CSMD3: variants seen among roughly 807,000 people sequenced by gnomAD.
The protein encoded by CSMD3 is CUB and Sushi multiple domains 3.
CSMD3 carries 177 observed loss-of-function variants against 435.2 expected under a neutral mutation model. That is an observed-to-expected ratio of 0.41 (90% CI 0.36 to 0.46). CSMD3 has a LOEUF of 0.46. Ranked by LOEUF, CSMD3 falls within the 20% of genes least tolerant of loss-of-function variation. CSMD3 has a pLI of 0.34. For synonymous variants in CSMD3, 1,656 were observed against 1,520.5 expected, an observed-to-expected ratio of 1.09 and a Z score of -2.07; for missense variants, 4,265 against 4,504.6, an observed-to-expected ratio of 0.95 and a Z score of 1.52.
chr8:113,024,092 T>A (rs754241309), intron 5 of CSMD3, among the ~76,000 whole-genome samples: 1 of 152,180 alleles, frequency 6.6e-6, no homozygotes, highest in Non-Finnish European at 1.5e-5. Flanking sequence ...TTCCTCAGTC[T>A]CTGGTAACCA....
At chr8:112,235,460 A>C (rs1441773679) in intron 67 of CSMD3, among the ~76,000 whole-genome samples, 1 of 152,180 alleles carries the variant, frequency 6.6e-6, no homozygotes, top group Admixed American at 6.6e-5. Context: ...CTGGTTCTTA[A>C]AAATAAAGTA....
At chr8:113,427,192 T>G (rs2094640673) in intron 1 of CSMD3, among the ~76,000 whole-genome samples, 1 of 151,442 alleles carries the variant, frequency 6.6e-6, no homozygotes, top group Admixed American at 6.6e-5. Flanking sequence ...GAAAATATAT[T>G]TTATCATATA....
intron 2 of CSMD3, among the ~76,000 whole-genome samples, chr8:113,308,297 CT>C (rs1159816707): frequency 2.5e-4 from 25 of 98,224 alleles, no homozygotes; most frequent in Admixed American, 1.0e-3. Flanking sequence ...GAGATGGAGT[CT>C]CGCTCCGTCA....
intron 10 of CSMD3, among the ~76,000 whole-genome samples, chr8:112,909,409 AT>A (rs969983876): frequency 7.3e-5 from 11 of 151,240 alleles, no homozygotes; most frequent in African/African-American, 1.5e-4. Flanking sequence ...TTAAACACAT[AT>A]TTTTTTTAAA....
intron 1 of CSMD3, among the ~76,000 whole-genome samples, chr8:113,327,593 G>A (rs912869309): frequency 1.3e-5 from 2 of 151,974 alleles, no homozygotes; most frequent in African/African-American, 4.8e-5. Flanking sequence ...CAGCAATCAG[G>A]GGGAACAGAC....
intron 4 of CSMD3, among the ~76,000 whole-genome samples, chr8:113,103,458 T>G (rs1267635167): frequency 6.6e-6 from 1 of 152,074 alleles, no homozygotes; most frequent in African/African-American, 2.4e-5. Context: ...TTGTAAAACA[T>G]GAAGAAAACC....
At chr8:113,266,757 T>A (rs141360098) in intron 3 of CSMD3, among the ~76,000 whole-genome samples, 9 of 151,816 alleles carry the variant, frequency 5.9e-5, no homozygotes, top group African/African-American at 1.9e-4. Flanking sequence ...TATAATGTTT[T>A]AATTAGTAAT....
chr8:112,782,783 G>A (rs2078424551), intron 13 of CSMD3, among the ~76,000 whole-genome samples: 1 of 151,882 alleles, frequency 6.6e-6, no homozygotes, highest in Non-Finnish European at 1.5e-5. Context: ...CCGGGAAAGA[G>A]TGACATAACA....
At position 112,503,774 on chromosome 8, in the gene CSMD3, G is replaced by A. The variant is rs1438943238; in HGVS notation, c.5083+16C>T. The A allele has an allele frequency of 1.3e-6, 2 of 1,563,224 alleles. No homozygotes were observed. Among genetic ancestry groups the A allele is most frequent in the South Asian group, 2.2e-5 (2 of 89,530 alleles). ...TAATTTAAATCATGATACTAACATG[G>A]AATGTTCATATTTACCTTTGTATTC... On this transcript the variant is annotated intron_variant, in intron 30 of 70. Coordinates refer to ENST00000297405, the MANE Select transcript of CSMD3 (RefSeq NM_198123.2).
At chr8:112,643,482 C>A (rs147978848) in intron 20 of CSMD3, 1 of 170,270 alleles carries the variant, frequency 5.9e-6, no homozygotes, top group Non-Finnish European at 1.5e-5. Flanking sequence ...AAGGCATCTA[C>A]GTCCGCATCT....
chr8:112,828,976 T>C (rs943345144), intron 12 of CSMD3, among the ~76,000 whole-genome samples: 7 of 151,536 alleles, frequency 4.6e-5, no homozygotes, highest in Non-Finnish European at 2.9e-5. Flanking sequence ...TCTGGAATAA[T>C]AGTTCTAGGA....
intron 10 of CSMD3, among the ~76,000 whole-genome samples, chr8:112,903,032 T>C (rs2082148423): frequency 6.6e-6 from 1 of 150,636 alleles, no homozygotes. Context: ...GGTTGAGGCA[T>C]ATATCAGCCT....
chr8:112,977,674 T>C lies in CSMD3; in HGVS notation c.1031-1526A>G, dbSNP rs548197379. On this transcript the variant is annotated intron_variant, in intron 6 of 70. Coordinates refer to ENST00000297405, the MANE Select transcript of CSMD3 (RefSeq NM_198123.2). ...CTAGAAATTCAGAAGTATTAAATGA[T>C]TTTTGTATTTTGAAAGAGCCAAAAG... is the stretch of plus-strand genomic sequence containing the variant. 5.9e-5 allele frequency among the ~76,000 whole-genome samples: 9 copies of C among 152,188 alleles called. No individual in the cohort carries two copies. The East Asian group carries it at 1.4e-3, about 23-fold the overall frequency.
At chr8:112,568,824 T>C (rs976697399) in intron 24 of CSMD3, among the ~76,000 whole-genome samples, 1 of 152,134 alleles carries the variant, frequency 6.6e-6, no homozygotes, top group Non-Finnish European at 1.5e-5. Context: ...CAGATATTAG[T>C]TCAGTATCTT....
chr8:113,265,498 A>G (rs1588403851), intron 3 of CSMD3, among the ~76,000 whole-genome samples: 1 of 151,596 alleles, frequency 6.6e-6, no homozygotes, highest in East Asian at 1.9e-4. Flanking sequence ...GGGTGATAAA[A>G]TATTACTGCT....
intron 33 of CSMD3, 132 bp from the exon 34 acceptor site, chr8:112,408,545 T>C: frequency 1.4e-6 from 1 of 713,828 alleles, no homozygotes; most frequent in East Asian, 2.7e-5. Context: ...TAAAATATCC[T>C]ACAACTACCA....
intron 4 of CSMD3, among the ~76,000 whole-genome samples, chr8:113,119,868 A>G (rs1238825712): frequency 6.6e-6 from 1 of 152,128 alleles, no homozygotes; most frequent in African/African-American, 2.4e-5. Flanking sequence ...GTTTATGCAT[A>G]TAGAACAATC....
rs1832043684 is a variant in CSMD3 at position 112,408,368 on chromosome 8, A to G, written c.5555T>C (p.Phe1852Ser). 6.2e-7 allele frequency: 1 copy of G among 1,612,188 alleles called. No individual in the cohort carries two copies. The highest frequency in any genetic ancestry group is 8.5e-7 in the Non-Finnish European group (1 of 1,178,634). The change falls in exon 34 of 71, where the codon TTT becomes TCT. Residue 1852 changes from phenylalanine to serine, a missense_variant. Physicochemically the swap from Phe to Ser is radical, Grantham distance 155. Transcript: ENST00000297405. ...AGCTGTTATTGGTCCAACTGAAGTAAATCGAATTGTGATCTGATTACCTGA... is the reference window on the plus strand; with the variant it reads ...AGCTGTTATTGGTCCAACTGAAGTAGATCGAATTGTGATCTGATTACCTGA... ...LSSGNQITIR[F>S]TSVGPITAKG...
intron 5 of CSMD3, among the ~76,000 whole-genome samples, chr8:113,040,828 T>C (rs2087575080): frequency 1.3e-5 from 2 of 152,066 alleles, no homozygotes; most frequent in Admixed American, 6.5e-5. Flanking sequence ...ACTAAGACAG[T>C]GAGCATAAAT....
Sources: gnomAD v4.1 joint callset for allele counts (sites outside exome capture counted in the v4.1 genomes callset) on GRCh38, gnomAD v4.1.1 for gene constraint, MANE v1.5 for transcripts, NCBI Gene and HGNC (gene_info 2026-07-23, HGNC 2026-07-21) for gene names.